Variants in NKAIN3 observed in about 807,000 individuals in gnomAD.
NKAIN3 encodes sodium/potassium-transporting ATPase subunit beta-1-interacting protein 3.
NKAIN3 carries 25 observed loss-of-function variants against 30.2 expected under a neutral mutation model. The ratio of observed to expected loss-of-function variants is 0.83; its 90% CI spans 0.60 to 1.16. NKAIN3 has a LOEUF of 1.16. NKAIN3 is among the 50% of genes most tolerant of loss of function. The pLI is 0.00. For missense variants in NKAIN3, 225 were observed against 254.1 expected, an observed-to-expected ratio of 0.89 and a Z score of 0.78; for synonymous variants, 91 against 89.6, an observed-to-expected ratio of 1.02 and a Z score of -0.09.
chr8:62,356,092 C>T (rs1400696118), intron 1 of NKAIN3, among the ~76,000 whole-genome samples: 1 of 152,158 alleles, frequency 6.6e-6, no homozygotes, highest in Non-Finnish European at 1.5e-5. Flanking sequence ...TCTATCAACT[C>T]ATTTAACTGA....
chr8:62,405,411 G>T (rs1804031191), intron 1 of NKAIN3, among the ~76,000 whole-genome samples: 1 of 152,184 alleles, frequency 6.6e-6, no homozygotes, highest in Non-Finnish European at 1.5e-5. Flanking sequence ...AGCCTGTGGT[G>T]GTGGAGCTGC....
intron 1 of NKAIN3, chr8:62,344,877 A>G: frequency 4.6e-6 from 2 of 438,412 alleles, no homozygotes; most frequent in Middle Eastern, 5.1e-4. Context: ...GATTGCATTA[A>G]ATTGTTAGAT....
intron 5 of NKAIN3, among the ~76,000 whole-genome samples, chr8:62,921,435 G>A (rs1315158471): frequency 2.0e-5 from 3 of 152,176 alleles, no homozygotes; most frequent in Non-Finnish European, 4.4e-5. Context: ...CACTGTTAAA[G>A]TGGATATATG....
intron 1 of NKAIN3, among the ~76,000 whole-genome samples, chr8:62,415,321 G>A (rs1477127319): frequency 2.1e-5 from 3 of 145,664 alleles, no homozygotes; most frequent in Non-Finnish European, 3.0e-5. Flanking sequence ...TAATAGGCTT[G>A]TAAAGCTTGA....
chr8:62,943,360 A>G (rs1407831315), intron 5 of NKAIN3, among the ~76,000 whole-genome samples: 1 of 152,204 alleles, frequency 6.6e-6, no homozygotes, highest in Non-Finnish European at 1.5e-5. Flanking sequence ...CTCTTGCAAG[A>G]ATGGTCATAA....
chr8:62,510,459 G>C (rs2129731751), intron 1 of NKAIN3, among the ~76,000 whole-genome samples: 1 of 152,164 alleles, frequency 6.6e-6, no homozygotes, highest in African/African-American at 2.4e-5. Flanking sequence ...AGCTTACCAT[G>C]ACAACTCACG....
chr8:62,608,447 A>G (rs962225287), intron 3 of NKAIN3, among the ~76,000 whole-genome samples: 26 of 152,210 alleles, frequency 1.7e-4, no homozygotes, highest in African/African-American at 5.8e-4. Context: ...ATGTACATGA[A>G]TGGACTAATT....
chr8:62,679,332 T>C (rs2130412185), intron 3 of NKAIN3, among the ~76,000 whole-genome samples: 1 of 151,474 alleles, frequency 6.6e-6, no homozygotes, highest in African/African-American at 2.4e-5. Flanking sequence ...TAGTGGGAGG[T>C]GAAAGGGTGC....
chr8:62,679,131 C>A (rs1813572694), intron 3 of NKAIN3, among the ~76,000 whole-genome samples: 1 of 152,096 alleles, frequency 6.6e-6, no homozygotes. Flanking sequence ...ATCATATATT[C>A]CAATATCCAG....
intron 2 of NKAIN3, among the ~76,000 whole-genome samples, chr8:62,582,915 G>T (rs1810351342): frequency 6.6e-6 from 1 of 152,128 alleles, no homozygotes; most frequent in African/African-American, 2.4e-5. Flanking sequence ...ACACCTCAGT[G>T]TCATGGGCCT....
At chr8:62,509,901 T>C (rs1807768034) in intron 1 of NKAIN3, among the ~76,000 whole-genome samples, 1 of 152,164 alleles carries the variant, frequency 6.6e-6, no homozygotes, top group South Asian at 2.1e-4. Context: ...AATTAGCATG[T>C]GGATCTTGCT....
intron 1 of NKAIN3, among the ~76,000 whole-genome samples, chr8:62,315,761 A>G (rs896137135): frequency 3.9e-5 from 6 of 152,194 alleles, no homozygotes; most frequent in Non-Finnish European, 7.4e-5. Context: ...TATCAAATTT[A>G]TCTCTGGTCC....
At chr8:62,543,948 CATT>C (rs1391905706) in intron 1 of NKAIN3, among the ~76,000 whole-genome samples, 1 of 152,066 alleles carries the variant, frequency 6.6e-6, no homozygotes, top group African/African-American at 2.4e-5. Flanking sequence ...ATGTCAAAGA[CATT>C]ATCTAGAGTC....
intron 3 of NKAIN3, among the ~76,000 whole-genome samples, chr8:62,692,747 C>T (rs1375091102): frequency 6.6e-6 from 1 of 152,198 alleles, no homozygotes; most frequent in Non-Finnish European, 1.5e-5. Flanking sequence ...ACATTCTCTG[C>T]TTAGCCTTTT....
intron 4 of NKAIN3, among the ~76,000 whole-genome samples, chr8:62,885,254 AG>A (rs1233192086): frequency 7.2e-5 from 11 of 152,252 alleles, no homozygotes; most frequent in African/African-American, 2.6e-4. Flanking sequence ...GTTATTTCGA[AG>A]GATGTTGCTT....
chr8:62,444,342 T>G (rs751173854), intron 1 of NKAIN3, among the ~76,000 whole-genome samples: 7 of 152,260 alleles, frequency 4.6e-5, no homozygotes, highest in Non-Finnish European at 1.0e-4. Context: ...TAGACCTTAT[T>G]TCTTCTTCCT....
At chr8:62,899,750 T>G (rs1821543908) in intron 4 of NKAIN3, among the ~76,000 whole-genome samples, 1 of 152,196 alleles carries the variant, frequency 6.6e-6, no homozygotes, top group African/African-American at 2.4e-5. Flanking sequence ...TAATTTGGAT[T>G]GTTTGTAACA....
chr8:62,444,704 C>A (rs987615995), intron 1 of NKAIN3, among the ~76,000 whole-genome samples: 1 of 152,040 alleles, frequency 6.6e-6, no homozygotes, highest in African/African-American at 2.4e-5. Flanking sequence ...TATTTATTTC[C>A]TTTCTCTCAA....
At chr8:62,391,887 A>G (rs947685971) in intron 1 of NKAIN3, among the ~76,000 whole-genome samples, 2 of 149,692 alleles carry the variant, frequency 1.3e-5, no homozygotes, top group Admixed American at 1.3e-4. Context: ...AAAATGTCAC[A>G]CACATCTTGT....
Sources: gnomAD v4.1 joint callset for allele counts (sites outside exome capture counted in the v4.1 genomes callset) on GRCh38, gnomAD v4.1.1 for gene constraint, MANE v1.5 for transcripts, NCBI Gene and HGNC (gene_info 2026-07-23, HGNC 2026-07-21) for gene names.